The following AKR1C1 variants were observed in gnomAD, a reference collection of about 807,000 sequenced individuals.
AKR1C1 encodes 20 alpha-hydroxysteroid dehydrogenase.
AKR1C1 carries 32 observed loss-of-function variants against 40.6 expected under a neutral mutation model. The observed-to-expected ratio is 0.79, with a 90% CI of 0.60 to 1.06. The LOEUF is 1.06. Ranked by LOEUF, AKR1C1 falls within the 50% of genes least tolerant of loss-of-function variation. The pLI is 0.00. For missense variants in AKR1C1, 320 were observed against 363.5 expected (o/e 0.88, Z 0.97); for synonymous variants, 105 against 134.2 (o/e 0.78, Z 1.50).
intron 7 of AKR1C1, among the ~76,000 whole-genome samples, chr10:4,973,260 T>A (rs1290226119): frequency 2.4e-4 from 36 of 151,986 alleles, no homozygotes; most frequent in African/African-American, 8.5e-4. Flanking sequence ...CAAACCCACT[T>A]AATATAGAGG....
rs761513572 is a variant in AKR1C1, at chr10:4,966,090, C to T, written c.252+9C>T. ...TATTCTACACTTCAAAGGTACTGTG[C>T]CTATGATGAGCTTGTGTGCACATGT... On this transcript the variant is annotated intron_variant, in intron 2 of 8. Coordinates refer to ENST00000380872, the MANE Select transcript of AKR1C1 (RefSeq NM_001353.6). The T allele has an allele frequency of 2.5e-6, 4 of 1,608,642 alleles. No individual in the cohort carries two copies. Among genetic ancestry groups the T allele is most frequent in the East Asian group, 4.5e-5 (2 of 44,826 alleles).
Position 4,965,947 on chromosome 10 carries a change from T to C in AKR1C1, c.118T>C (p.Leu40=), listed in dbSNP as rs763851502. The change falls in exon 2 of 9, where the codon TTG becomes CTG. Residue 40 remains leucine (L), a synonymous_variant. Coordinates refer to ENST00000380872, the MANE Select transcript of AKR1C1 (RefSeq NM_001353.6). ...AAGTAAAGCTTTAGAGGCCACCAAA[T>C]TGGCAATTGAAGCTGGCTTCCGCCA... ...PKSKALEATK[L]AIEAGFRHID... is the part of the protein sequence containing the mutation. 2 of 1,614,078 alleles carry C rather than the reference T, an allele frequency of 1.2e-6. No individual in the cohort carries two copies. Among genetic ancestry groups the C allele is most frequent in the African/African-American group, 1.3e-5 (1 of 74,964 alleles).
Position 4,964,025 on chromosome 10 carries a change from A to G in AKR1C1, c.84+497A>G, listed in dbSNP as rs2131639667. Reference sequence around the variant, plus strand: ...TCATGTACTATTCTCACCTCTGGGAAAATTACCTGAAACGATAAAATATCC... The same window carrying G: ...TCATGTACTATTCTCACCTCTGGGAGAATTACCTGAAACGATAAAATATCC... On this transcript the variant is annotated intron_variant, in intron 1 of 8. Transcript: ENST00000380872. The G allele has an allele frequency of 5.0e-6, 3 of 596,640 alleles. No homozygotes were observed. The South Asian group carries it at 6.6e-5, about 13-fold the overall frequency. 37.0% of individuals were successfully genotyped at this position (596,640 alleles called of 1,614,324 possible).
At position 4,982,312 on chromosome 10, in the gene AKR1C1, T is replaced by C. The variant is rs1232308037; in HGVS notation, c.*4570T>C. ...TGGCTTAACAAGCCCCTTCAATAAG[T>C]ACTTGGCGGAGGGATGCTGGGGGGA... On this transcript the variant is annotated 3_prime_UTR_variant, in exon 9 of 9. Coordinates refer to ENST00000380872, the MANE Select transcript of AKR1C1 (RefSeq NM_001353.6). The C allele has an allele frequency of 6.6e-6, 1 of 152,198 alleles. No homozygotes were observed. The highest frequency in any genetic ancestry group is 1.5e-5 in the Non-Finnish European group (1 of 68,164). The allele number at this position is 152,198 out of a possible 1,614,324, so 9.4% of individuals were successfully genotyped here. A position where few individuals can be genotyped will look rare whatever the true frequency, so the allele number is the denominator to read the frequency against.
At position 4,981,372 on chromosome 10, in the gene AKR1C1, A is replaced by T. The variant is rs1836612194; in HGVS notation, c.*3630A>T. 6.6e-6 allele frequency: 1 copy of T among 152,212 alleles called. No individual in the cohort carries two copies. Among genetic ancestry groups the T allele is most frequent in the Admixed American group, 6.5e-5 (1 of 15,284 alleles). 9.4% of individuals were successfully genotyped at this position (152,212 alleles called of 1,614,324 possible). A position where few individuals can be genotyped will look rare whatever the true frequency, so the allele number is the denominator to read the frequency against. On this transcript the variant is annotated 3_prime_UTR_variant, in exon 9 of 9. Transcript: ENST00000380872. ...TAAAAACTACTCAAAGAAATCAGAG[A>T]TATCACAAAATGACAAAACAAGTAC...
At position 4,981,563 on chromosome 10, in the gene AKR1C1, CA is replaced by C. The variant is rs1344249263; in HGVS notation, c.*3822del. On this transcript the variant is annotated 3_prime_UTR_variant, in exon 9 of 9. Coordinates refer to ENST00000380872, the MANE Select transcript of AKR1C1 (RefSeq NM_001353.6). ...GTGAATTTCTTTTCAAGAACCAATGCAGAGACTTAACAGATATATGAAAAAA... is the reference window on the plus strand; with the variant it reads ...GTGAATTTCTTTTCAAGAACCAATGCGAGACTTAACAGATATATGAAAAAA... 1 of 152,170 alleles carries C rather than the reference CA, an allele frequency of 6.6e-6. No individual in the cohort carries two copies. Among genetic ancestry groups the C allele is most frequent in the Non-Finnish European group, 1.5e-5 (1 of 68,040 alleles). The allele number at this position is 152,170 out of a possible 1,614,324, so 9.4% of individuals were successfully genotyped here.
chr10:4,966,625 C>T (rs1449574741), intron 2 of AKR1C1, among the ~76,000 whole-genome samples: 1 of 152,232 alleles, frequency 6.6e-6, no homozygotes, highest in Non-Finnish European at 1.5e-5. Context: ...ACACTACTAA[C>T]ATGAGTTGTA....
chr10:4,970,869 G>A (rs1173072296), intron 5 of AKR1C1, among the ~76,000 whole-genome samples: 3 of 151,136 alleles, frequency 2.0e-5, no homozygotes, highest in Non-Finnish European at 4.4e-5. Context: ...TAGATGACGA[G>A]TTAGTAGGTG....
intron 5 of AKR1C1, chr10:4,969,725 C>T: frequency 6.2e-7 from 1 of 1,611,986 alleles, no homozygotes; most frequent in Admixed American, 1.7e-5. Context: ...GATTCCAGGC[C>T]TCCTTGATCA....
intron 6 of AKR1C1, 125 bp downstream of exon 6, chr10:4,972,435 A>C (rs1836445392): frequency 7.2e-7 from 1 of 1,382,582 alleles, no homozygotes; most frequent in African/African-American, 1.5e-5. Flanking sequence ...TGCATTTCTG[A>C]CGAGATCCCA....
At position 4,980,556 on chromosome 10, in the gene AKR1C1, A is replaced by G. The variant is rs1202068432; in HGVS notation, c.*2814A>G. 1 of 148,044 alleles carries G rather than the reference A, an allele frequency of 6.8e-6. No homozygotes were observed. The highest frequency in any genetic ancestry group is 6.8e-5 in the Admixed American group (1 of 14,628). 9.2% of individuals were successfully genotyped at this position (148,044 alleles called of 1,614,324 possible). A position where few individuals can be genotyped will look rare whatever the true frequency, so the allele number is the denominator to read the frequency against. On this transcript the variant is annotated 3_prime_UTR_variant, in exon 9 of 9. Transcript: ENST00000380872. ...TCGCTGCCTTTCCAACAGTGTTTAC[A>G]ACGGTTTCCTAAGAAATGAAATCCA...
chr10:4,976,331 TA>T (rs1836525717), intron 8 of AKR1C1, among the ~76,000 whole-genome samples: 1 of 152,130 alleles, frequency 6.6e-6, no homozygotes, highest in Non-Finnish European at 1.5e-5. Flanking sequence ...CTCAATGTCT[TA>T]CCAGATCAAA....
intron 5 of AKR1C1, among the ~76,000 whole-genome samples, chr10:4,971,668 A>T (rs7916644): frequency 0.3 from 45,183 of 149,328 alleles, 7,259 homozygotes; most frequent in African/African-American, 0.4. Context: ...GTAATGAAAG[A>T]CTGTGAAAAT....
rs139089923 is a variant in AKR1C1 at position 4,966,945 on chromosome 10, C to A, written c.271C>A (p.Arg91=). 2 of 1,613,104 alleles carry A rather than the reference C, an allele frequency of 1.2e-6. No homozygotes were observed. Among genetic ancestry groups the A allele is most frequent in the Non-Finnish European group, 1.7e-6 (2 of 1,179,618 alleles). The stretch of plus-strand genomic sequence containing the variant: ...TCTGCAGCTTTGGTGCAATTCCCAT[C>A]GACCAGAGTTGGTCCGACCAGCCTT... ...YTSKLWCNSH[R]PELVRPALER... is the part of the protein sequence containing the mutation. Residue 91 remains arginine (R), a synonymous_variant, in exon 3 of 9, where the codon CGA becomes AGA. Transcript: ENST00000380872.
At chr10:4,970,401 G>A (rs1836404521) in intron 5 of AKR1C1, among the ~76,000 whole-genome samples, 1 of 152,126 alleles carries the variant, frequency 6.6e-6, no homozygotes, top group Non-Finnish European at 1.5e-5. Flanking sequence ...GAAGGTTTCT[G>A]TAAATTAGAA....
intron 8 of AKR1C1, among the ~76,000 whole-genome samples, chr10:4,976,332 A>G (rs1188983801): frequency 6.6e-6 from 1 of 152,082 alleles, no homozygotes; most frequent in Non-Finnish European, 1.5e-5. Flanking sequence ...TCAATGTCTT[A>G]CCAGATCAAA....
chr10:4,977,650 G>T, intron 8 of AKR1C1, 50 bp from the exon 9 acceptor site: 1 of 1,612,042 alleles, frequency 6.2e-7, no homozygotes, highest in Non-Finnish European at 8.5e-7. Context: ...CTACCCGCTA[G>T]TAACGGAGTC....
In AKR1C1 at chr10:4,969,614, TG is replaced by T. The variant is rs959647470; in HGVS notation, c.570+672del. 4 of 1,582,598 alleles carry T rather than the reference TG, an allele frequency of 2.5e-6. No individual in the cohort carries two copies. The African/African-American group carries it at 4.0e-5, about 16-fold the overall frequency. On this transcript the variant is annotated intron_variant, in intron 5 of 8. Transcript: ENST00000380872. The stretch of plus-strand genomic sequence containing the variant: ...CCGCTCCTAGTTGGCTGCTCTTCTT[TG>T]GAGTCTGTCATGCAATCAGCTGCTT...
At chr10:4,968,770 T>A in intron 4 of AKR1C1, 52 bp from the exon 5 acceptor site, 2 of 1,613,784 alleles carry the variant, frequency 1.2e-6, no homozygotes, top group East Asian at 4.5e-5. Context: ...CTTTCACAGT[T>A]CTGTGTCACA....
Sources: allele counts gnomAD v4.1 joint callset (sites outside exome capture counted in the v4.1 genomes callset), GRCh38; gene constraint gnomAD v4.1.1; transcripts MANE v1.5; gene names NCBI Gene and HGNC (gene_info 2026-07-23, HGNC 2026-07-21).